PGBD5: variants seen among roughly 807,000 people sequenced by gnomAD.
PGBD5 encodes piggyBac transposable element derived 5.
Under a neutral mutation model 47.9 loss-of-function variants are expected in PGBD5, and 14 were observed. That is an observed-to-expected ratio of 0.29 (90% CI 0.19 to 0.46). PGBD5 has a LOEUF of 0.46. Ranked by LOEUF, PGBD5 falls within the 20% of genes least tolerant of loss-of-function variation. The probability of loss-of-function intolerance (pLI) is 1.00; values close to 1 mark genes in which losing one functional copy is unlikely to be tolerated. For synonymous variants in PGBD5, 316 were observed against 306.3 expected, an observed-to-expected ratio of 1.03 and a Z score of -0.33; for missense variants, 635 against 716.0, an observed-to-expected ratio of 0.89 and a Z score of 1.29.
chr1:230,364,168 G>A (rs1667791269), intron 1 of PGBD5, among the ~76,000 whole-genome samples: 1 of 152,180 alleles, frequency 6.6e-6, no homozygotes, highest in South Asian at 2.1e-4. Context: ...CAGCTCTATT[G>A]GGGTACTCCC....
At chr1:230,376,771 T>A (rs1668020621) in intron 1 of PGBD5, among the ~76,000 whole-genome samples, 1 of 152,186 alleles carries the variant, frequency 6.6e-6, no homozygotes, top group African/African-American at 2.4e-5. Context: ...GGGGTTGGAC[T>A]AGGGATGTCT....
chr1:230,369,345 G>A (rs1004384215), intron 1 of PGBD5, among the ~76,000 whole-genome samples: 3 of 152,246 alleles, frequency 2.0e-5, no homozygotes, highest in African/African-American at 7.2e-5. Flanking sequence ...ACAGGCTCAT[G>A]GGTCAGGGGG....
chr1:230,406,455 G>C (rs11122508), intron 1 of PGBD5, among the ~76,000 whole-genome samples: 62,877 of 151,774 alleles, frequency 0.41, 15,896 homozygotes, highest in African/African-American at 0.7. Flanking sequence ...TAAGAGCCTT[G>C]AAGTATATAA....
At chr1:230,338,096 GC>G (rs2102819387) in intron 3 of PGBD5, among the ~76,000 whole-genome samples, 1 of 152,346 alleles carries the variant, frequency 6.6e-6, no homozygotes, top group African/African-American at 2.4e-5. Flanking sequence ...ATCTGAGCCT[GC>G]CACAGATTAT....
intron 1 of PGBD5, among the ~76,000 whole-genome samples, chr1:230,364,557 G>A (rs927152246): frequency 5.9e-5 from 9 of 152,266 alleles, no homozygotes; most frequent in African/African-American, 2.2e-4. Flanking sequence ...CTGCGTGCAT[G>A]TGCACGTGTG....
At chr1:230,371,391 T>C (rs1571845727) in intron 1 of PGBD5, among the ~76,000 whole-genome samples, 1 of 152,176 alleles carries the variant, frequency 6.6e-6, no homozygotes, top group Non-Finnish European at 1.5e-5. Context: ...AGCCAGTTTC[T>C]GGCCAGTGGA....
At chr1:230,377,582 T>A in intron 1 of PGBD5, 2 of 1,594,706 alleles carry the variant, frequency 1.3e-6, no homozygotes, top group Non-Finnish European at 1.7e-6. Flanking sequence ...TCCCCGAGAG[T>A]ACTTTGCACG....
chr1:230,353,190 C>T (rs1667584799), intron 2 of PGBD5, among the ~76,000 whole-genome samples: 1 of 152,194 alleles, frequency 6.6e-6, no homozygotes, highest in Non-Finnish European at 1.5e-5. Context: ...AAACCACTTG[C>T]TTCTCCTCCA....
At chr1:230,362,498 C>A in intron 1 of PGBD5, 1 of 1,177,360 alleles carries the variant, frequency 8.5e-7, no homozygotes, top group Non-Finnish European at 1.1e-6. Context: ...GGGGCTCCAG[C>A]TTCATGAAGC....
chr1:230,419,207 C>T (rs1178546126), intron 1 of PGBD5, among the ~76,000 whole-genome samples: 4 of 119,412 alleles, frequency 3.3e-5, no homozygotes, highest in Middle Eastern at 3.7e-3. Context: ...TGCACATACA[C>T]CATGGAACAC....
intron 5 of PGBD5, among the ~76,000 whole-genome samples, chr1:230,331,677 G>A (rs558047490): frequency 2.0e-5 from 3 of 146,680 alleles, no homozygotes; most frequent in South Asian, 4.3e-4. Context: ...TTCTCTCTTG[G>A]TAGATGGGGA....
chr1:230,338,102 G>A (rs542957315), intron 3 of PGBD5, among the ~76,000 whole-genome samples: 1 of 152,354 alleles, frequency 6.6e-6, no homozygotes, highest in South Asian at 2.1e-4. Context: ...GCCTGCCACA[G>A]ATTATTTCTA....
chr1:230,414,803 A>G (rs537345791), intron 1 of PGBD5, among the ~76,000 whole-genome samples: 2 of 152,370 alleles, frequency 1.3e-5, no homozygotes, highest in African/African-American at 4.8e-5. Context: ...ATTACGTCAG[A>G]TAAGGAAGGA....
At chr1:230,337,023 G>C (rs1416837273) in intron 4 of PGBD5, 85 bp downstream of exon 4, 9 of 1,456,434 alleles carry the variant, frequency 6.2e-6, no homozygotes, top group Non-Finnish European at 8.4e-6. Context: ...TGGCCACCAC[G>C]TATCTGCACC....
At position 230,320,617 on chromosome 1, in the gene PGBD5, A is replaced by G. The variant is rs1355215400; in HGVS notation, c.*2808T>C. 1 of 152,178 alleles carries G rather than the reference A, an allele frequency of 6.6e-6. No homozygotes were observed. Among genetic ancestry groups the G allele is most frequent in the East Asian group, 1.9e-4 (1 of 5,178 alleles). 9.4% of individuals were successfully genotyped at this position (152,178 alleles called of 1,614,324 possible). A position where few individuals can be genotyped will look rare whatever the true frequency, so the allele number is the denominator to read the frequency against. ...CAGGGCCATGCTGGCTCCCTCTGTC[A>G]TAAGACCACTTACGATGCTCTTTCC... On this transcript the variant is annotated 3_prime_UTR_variant, in exon 7 of 7. Coordinates refer to ENST00000391860, the MANE Select transcript of PGBD5 (RefSeq NM_001258311.2).
rs1489116313 is a variant in PGBD5 at position 230,319,729 on chromosome 1, T to C, written c.*3696A>G. Reference sequence around the variant, plus strand: ...CTCATCTGATTTAGTCAGTACTGGATGTGTTTGCTCAGAATGACCCAGCCA... The same window carrying C: ...CTCATCTGATTTAGTCAGTACTGGACGTGTTTGCTCAGAATGACCCAGCCA... On this transcript the variant is annotated 3_prime_UTR_variant, in exon 7 of 7. Coordinates refer to ENST00000391860, the MANE Select transcript of PGBD5 (RefSeq NM_001258311.2). The C allele has an allele frequency of 6.6e-6, 1 of 152,226 alleles. No individual in the cohort carries two copies. Among genetic ancestry groups the C allele is most frequent in the Non-Finnish European group, 1.5e-5 (1 of 68,072 alleles). 9.4% of individuals were successfully genotyped at this position (152,226 alleles called of 1,614,324 possible).
At chr1:230,362,156 C>T in intron 1 of PGBD5, 1 of 1,219,960 alleles carries the variant, frequency 8.2e-7, no homozygotes, top group East Asian at 5.6e-5. Flanking sequence ...TGACCATGCT[C>T]TTGCAACTTC....
intron 5 of PGBD5, among the ~76,000 whole-genome samples, chr1:230,330,245 C>A (rs1053677007): frequency 6.6e-6 from 1 of 152,088 alleles, no homozygotes. Context: ...AAAGTAGTGC[C>A]GGTAAAGCTG....
In PGBD5 at chr1:230,317,968, CT is replaced by C. The variant is rs71735007; in HGVS notation, c.*5456del. On this transcript the variant is annotated 3_prime_UTR_variant, in exon 7 of 7. Coordinates refer to ENST00000391860, the MANE Select transcript of PGBD5 (RefSeq NM_001258311.2). ...CACGGAAGGGTGAAGGTGCCCCACC[CT>C]CCCCGGAACACAGTTCACACAGAGC... is the stretch of plus-strand genomic sequence containing the variant. The C allele has an allele frequency of 0.022, 3,368 of 152,276 alleles. 63 individuals carry two copies. The highest frequency in any genetic ancestry group is 0.068 in the South Asian group (326 of 4,814). 9.4% of individuals were successfully genotyped at this position (152,276 alleles called of 1,614,324 possible).
Sources: allele counts gnomAD v4.1 joint callset (sites outside exome capture counted in the v4.1 genomes callset), GRCh38; gene constraint gnomAD v4.1.1; transcripts MANE v1.5; gene names NCBI Gene and HGNC (gene_info 2026-07-23, HGNC 2026-07-21).